ACOT12: variants seen among roughly 807,000 people sequenced by gnomAD.
ACOT12 encodes the protein acetyl-coenzyme A thioesterase.
In ACOT12, 51 loss-of-function variants were observed where a neutral mutation model predicts 67.7. The ratio of observed to expected loss-of-function variants is 0.75; its 90% CI spans 0.60 to 0.95. ACOT12 has a LOEUF of 0.95. ACOT12 is among the 40% of genes least tolerant of loss of function. The probability of loss-of-function intolerance (pLI) is 0.00; values close to 1 mark genes in which losing one functional copy is unlikely to be tolerated. For missense variants in ACOT12, 734 were observed against 708.1 expected, an observed-to-expected ratio of 1.04 and a Z score of -0.41; for synonymous variants, 251 against 244.6, an observed-to-expected ratio of 1.03 and a Z score of -0.24.
downstream of ACOT12, among the ~76,000 whole-genome samples, chr5:81,329,505 G>C (rs1245556834): frequency 2.0e-5 from 3 of 152,190 alleles, no homozygotes; most frequent in African/African-American, 7.2e-5. Flanking sequence ...GGTAGGGGGA[G>C]CAGAGGTAGA....
chr5:81,366,022 C>T (rs1408262489), intron 3 of ACOT12, among the ~76,000 whole-genome samples: 2 of 152,158 alleles, frequency 1.3e-5, no homozygotes, highest in Non-Finnish European at 2.9e-5. Flanking sequence ...TGGACAATTC[C>T]AAGAACTCAC....
At chr5:81,388,871 G>A (rs1417134391) in intron 1 of ACOT12, among the ~76,000 whole-genome samples, 2 of 152,092 alleles carry the variant, frequency 1.3e-5, no homozygotes, top group Non-Finnish European at 2.9e-5. Context: ...GAGATGTGAT[G>A]GTTTTATAAG....
chr5:81,346,146 T>C, intron 6 of ACOT12, 142 bp from the exon 7 acceptor site: 2 of 1,292,610 alleles, frequency 1.5e-6, no homozygotes, highest in Non-Finnish European at 2.1e-6. Flanking sequence ...AGGGTAGGTC[T>C]GCACGCTACC....
chr5:81,331,227 G>A (rs1011426760), intron 13 of ACOT12, among the ~76,000 whole-genome samples: 2 of 152,172 alleles, frequency 1.3e-5, no homozygotes, highest in Non-Finnish European at 2.9e-5. Flanking sequence ...TGTAATTTCA[G>A]CCTCCTTTCC....
the ACOT12 span, chr5:81,312,743 C>T: frequency 3.9e-6 from 4 of 1,033,142 alleles, no homozygotes; most frequent in African/African-American, 4.7e-5. Context: ...AGTTGAGCTC[C>T]CCTGTAGCCA....
the ACOT12 span, chr5:81,312,588 G>A: frequency 1.2e-6 from 2 of 1,613,958 alleles, no homozygotes; most frequent in Non-Finnish European, 1.7e-6. Context: ...AATGAGTGCA[G>A]ACTATGAAGA....
chr5:81,363,774 C>T lies in ACOT12; in HGVS notation c.360+14G>A, dbSNP rs763669092. On this transcript the variant is annotated intron_variant, in intron 4 of 14. Coordinates refer to ENST00000307624, the MANE Select transcript of ACOT12 (RefSeq NM_130767.3). ...GAATTACATGCTAGATACATCTTCA[C>T]ATACAAAATTTACCTTTTCTTTTCC... The T allele has an allele frequency of 1.3e-6, 2 of 1,592,180 alleles. No individual in the cohort carries two copies. The highest frequency in any genetic ancestry group is 1.7e-6 in the Non-Finnish European group (2 of 1,165,994).
At chr5:81,359,476 C>T (rs1759833861) in intron 5 of ACOT12, among the ~76,000 whole-genome samples, 1 of 152,186 alleles carries the variant, frequency 6.6e-6, no homozygotes, top group Admixed American at 6.5e-5. Flanking sequence ...TGATCTTTAG[C>T]AAATTTCTTT....
At chr5:81,313,760 CTT>C in the ACOT12 span, among the ~76,000 whole-genome samples, 1 of 152,182 alleles carries the variant, frequency 6.6e-6, no homozygotes, top group African/African-American at 2.4e-5. Context: ...AAAAGAAACA[CTT>C]TTCTCTGTTT....
intron 4 of ACOT12, 136 bp from the exon 5 acceptor site, chr5:81,360,174 A>G: frequency 1.3e-6 from 1 of 769,338 alleles, no homozygotes. Flanking sequence ...TTTTCACTAA[A>G]CATGTTATGA....
chr5:81,313,796 T>A, the ACOT12 span, among the ~76,000 whole-genome samples: 1 of 152,232 alleles, frequency 6.6e-6, no homozygotes, highest in Non-Finnish European at 1.5e-5. Context: ...ACTCGACAGT[T>A]CTAGTCTTAA....
the ACOT12 span, among the ~76,000 whole-genome samples, chr5:81,321,908 C>T: frequency 2.0e-5 from 3 of 152,034 alleles, no homozygotes; most frequent in Non-Finnish European, 4.4e-5. Flanking sequence ...GATTGTGCCA[C>T]TGCACTCCAG....
At chr5:81,319,828 T>C in the ACOT12 span, among the ~76,000 whole-genome samples, 44 of 142,044 alleles carry the variant, frequency 3.1e-4, no homozygotes, top group South Asian at 0.011. Context: ...ACCTACTTTC[T>C]TTCTCTAAAT....
chr5:81,331,408 A>G (rs767428568), intron 13 of ACOT12, among the ~76,000 whole-genome samples: 1 of 152,224 alleles, frequency 6.6e-6, no homozygotes, highest in African/African-American at 2.4e-5. Context: ...ATGGTGGCGC[A>G]TGCCTGTAAT....
At chr5:81,354,663 T>C (rs1320838138) in intron 5 of ACOT12, among the ~76,000 whole-genome samples, 1 of 151,814 alleles carries the variant, frequency 6.6e-6, no homozygotes, top group Non-Finnish European at 1.5e-5. Flanking sequence ...CTTTCTTTTA[T>C]AATTAACTTC....
intron 8 of ACOT12, 122 bp from the exon 9 acceptor site, chr5:81,344,337 C>T: frequency 1.1e-6 from 1 of 918,130 alleles, no homozygotes; most frequent in South Asian, 2.0e-5. Context: ...TGTGGTGTCT[C>T]TCCATGAACT....
At chr5:81,315,934 C>T in the ACOT12 span, among the ~76,000 whole-genome samples, 1 of 152,156 alleles carries the variant, frequency 6.6e-6, no homozygotes, top group Admixed American at 6.5e-5. Flanking sequence ...TTATATGTGT[C>T]GTTTTTGTCC....
the ACOT12 span, among the ~76,000 whole-genome samples, chr5:81,321,814 G>A: frequency 4.4e-4 from 67 of 152,216 alleles, no homozygotes; most frequent in East Asian, 0.012. Context: ...GGGCATGGTG[G>A]TGCATGCCTG....
At chr5:81,319,821 T>A in the ACOT12 span, among the ~76,000 whole-genome samples, 8 of 115,264 alleles carry the variant, frequency 6.9e-5, no homozygotes, top group Non-Finnish European at 3.3e-5. Flanking sequence ...CCCATGAACC[T>A]ACTTTCTTTC....
Sources: allele counts gnomAD v4.1 joint callset (sites outside exome capture counted in the v4.1 genomes callset), GRCh38; gene constraint gnomAD v4.1.1; transcripts MANE v1.5; gene names NCBI Gene and HGNC (gene_info 2026-07-23, HGNC 2026-07-21).